The following ACER3 variants were observed in gnomAD, a reference collection of about 807,000 sequenced individuals.
ACER3 encodes alkCDase 3.
Under a neutral mutation model 48.9 loss-of-function variants are expected in ACER3, and 16 were observed. The observed-to-expected ratio is 0.33, with a 90% CI of 0.22 to 0.50. The LOEUF (loss-of-function observed/expected upper bound fraction) is 0.50. Among genes scored for constraint, ACER3 ranks in the 20% least tolerant of loss-of-function variants. The probability of loss-of-function intolerance (pLI) is 0.98; values close to 1 mark genes in which losing one functional copy is unlikely to be tolerated. For synonymous variants in ACER3, 109 were observed against 107.8 expected (o/e 1.01, Z -0.07); for missense variants, 227 against 326.0 (o/e 0.70, Z 2.34).
At chr11:76,891,877 CACTT>C (rs1945814360) in intron 1 of ACER3, among the ~76,000 whole-genome samples, 1 of 152,226 alleles carries the variant, frequency 6.6e-6, no homozygotes, top group Non-Finnish European at 1.5e-5. Flanking sequence ...GTTTTGTTCA[CACTT>C]ACAAGTTATA....
chr11:76,940,592 A>G (rs1344657511), intron 2 of ACER3, among the ~76,000 whole-genome samples: 1 of 152,200 alleles, frequency 6.6e-6, no homozygotes, highest in Non-Finnish European at 1.5e-5. Flanking sequence ...CTAGGAACAG[A>G]AGTGGGTAGC....
intron 7 of ACER3, among the ~76,000 whole-genome samples, chr11:77,008,179 G>A (rs1591063514): frequency 6.6e-6 from 1 of 152,104 alleles, no homozygotes. Context: ...GTCTTCTTAT[G>A]TTTGTCTTAT....
Position 77,020,551 on chromosome 11 carries a change from A to T in ACER3, c.*224A>T. 2.0e-6 allele frequency: 1 copy of T among 512,568 alleles called. No individual in the cohort carries two copies. Among genetic ancestry groups the T allele is most frequent in the Non-Finnish European group, 3.5e-6 (1 of 285,386 alleles). 31.8% of individuals were successfully genotyped at this position (512,568 alleles called of 1,614,324 possible). A position where few individuals can be genotyped will look rare whatever the true frequency, so the allele number is the denominator to read the frequency against. The stretch of plus-strand genomic sequence containing the variant: ...TGTCCCCCTCCTCCTTTCACGCTCC[A>T]GTTTATAAAGAAACAGAGATGATGT... On this transcript the variant is annotated 3_prime_UTR_variant, in exon 11 of 11. Coordinates refer to ENST00000532485, the MANE Select transcript of ACER3 (RefSeq NM_018367.7).
intron 7 of ACER3, among the ~76,000 whole-genome samples, chr11:77,013,612 C>T (rs543178172): frequency 3.2e-4 from 49 of 152,276 alleles, no homozygotes; most frequent in Admixed American, 3.0e-3. Context: ...ATCTGGAACA[C>T]TTATACATGC....
intron 1 of ACER3, among the ~76,000 whole-genome samples, chr11:76,915,570 T>A (rs1946505331): frequency 1.3e-5 from 2 of 152,186 alleles, no homozygotes; most frequent in South Asian, 4.1e-4. Context: ...CACCCGACAT[T>A]TCTAGTGGGT....
intron 1 of ACER3, among the ~76,000 whole-genome samples, chr11:76,879,768 G>A (rs1296109239): frequency 6.6e-6 from 1 of 152,030 alleles, no homozygotes; most frequent in Non-Finnish European, 1.5e-5. Flanking sequence ...ACTTGAACAT[G>A]GTATATTATC....
chr11:76,935,290 T>TA (rs1407643123), intron 2 of ACER3, among the ~76,000 whole-genome samples: 1 of 152,042 alleles, frequency 6.6e-6, no homozygotes, highest in African/African-American at 2.4e-5. Context: ...AGTCCCTAGG[T>TA]GGCATGGGGG....
intron 2 of ACER3, among the ~76,000 whole-genome samples, chr11:76,955,041 T>A (rs1289194310): frequency 6.6e-6 from 1 of 152,200 alleles, no homozygotes; most frequent in African/African-American, 2.4e-5. Flanking sequence ...GGTGTCCTCG[T>A]TAAGGAAATA....
intron 7 of ACER3, among the ~76,000 whole-genome samples, chr11:77,005,988 TATA>T (rs1225083148): frequency 1.4e-3 from 127 of 89,862 alleles, no homozygotes; most frequent in African/African-American, 5.5e-3. Context: ...TATATATATA[TATA>T]TTTTTTTTTT....
At chr11:76,898,963 G>A (rs968304399) in intron 1 of ACER3, among the ~76,000 whole-genome samples, 24 of 148,338 alleles carry the variant, frequency 1.6e-4, no homozygotes, top group African/African-American at 6.1e-4. Flanking sequence ...ACCACCAGAG[G>A]AAGTTTTATA....
intron 1 of ACER3, 49 bp from the exon 2 acceptor site, chr11:76,926,508 A>T: frequency 9.1e-7 from 1 of 1,098,300 alleles, no homozygotes; most frequent in Non-Finnish European, 1.4e-6. Flanking sequence ...ATCTTTATTT[A>T]AAGTGTTATT....
chr11:76,960,096 A>C (rs546605275), intron 3 of ACER3, among the ~76,000 whole-genome samples: 1 of 152,286 alleles, frequency 6.6e-6, no homozygotes, highest in South Asian at 2.1e-4. Flanking sequence ...AAAAGTACAC[A>C]GAAATGGGTG....
At chr11:76,889,152 A>G (rs1945746388) in intron 1 of ACER3, among the ~76,000 whole-genome samples, 1 of 152,030 alleles carries the variant, frequency 6.6e-6, no homozygotes, top group South Asian at 2.1e-4. Flanking sequence ...CTCATCTCTC[A>G]TTCCTGTGTG....
chr11:76,929,627 A>AT (rs1353233637), intron 2 of ACER3, among the ~76,000 whole-genome samples: 1 of 152,148 alleles, frequency 6.6e-6, no homozygotes, highest in East Asian at 1.9e-4. Flanking sequence ...TTATTTTGAG[A>AT]TATGTCCCAT....
chr11:76,939,553 G>A (rs1460934169), intron 2 of ACER3, among the ~76,000 whole-genome samples: 1 of 152,146 alleles, frequency 6.6e-6, no homozygotes, highest in Non-Finnish European at 1.5e-5. Context: ...CCAGGATTGT[G>A]CTGCTGCACT....
In ACER3 at chr11:76,998,774, A is replaced by C. The variant is rs1555019153; in HGVS notation, c.450A>C (p.Gly150=). Residue 150 remains glycine, a synonymous_variant, in exon 7 of 11, where the codon GGA becomes GGC. Transcript: ENST00000532485. ...KEPIFHQVMY[G]MLVFTLVLRS... is the part of the protein sequence containing the mutation. Reference sequence around the variant, plus strand: ...CCGTTCCTATTTAGGTCATGTATGGAATGTTGGTCTTTACATTAGTACTTC... The same window carrying C: ...CCGTTCCTATTTAGGTCATGTATGGCATGTTGGTCTTTACATTAGTACTTC... 1.9e-6 allele frequency: 3 copies of C among 1,596,284 alleles called. No homozygotes were observed. Among genetic ancestry groups the C allele is most frequent in the Admixed American group, 1.8e-5 (1 of 56,398 alleles).
At chr11:76,936,671 G>A (rs1947194046) in intron 2 of ACER3, among the ~76,000 whole-genome samples, 1 of 150,802 alleles carries the variant, frequency 6.6e-6, no homozygotes, top group African/African-American at 2.4e-5. Context: ...ATATTCACAA[G>A]AAAAGGTTTA....
At chr11:76,915,795 C>T (rs986555894) in intron 1 of ACER3, among the ~76,000 whole-genome samples, 2 of 152,202 alleles carry the variant, frequency 1.3e-5, no homozygotes, top group Non-Finnish European at 2.9e-5. Flanking sequence ...TTTCACATGG[C>T]AGCAGGAGAG....
chr11:76,871,022 A>G (rs1271729257), intron 1 of ACER3, among the ~76,000 whole-genome samples: 2 of 152,188 alleles, frequency 1.3e-5, no homozygotes, highest in South Asian at 4.1e-4. Context: ...TAGGTTCTGT[A>G]GTCCTGTTTT....
Sources: gnomAD v4.1 joint callset for allele counts (sites outside exome capture counted in the v4.1 genomes callset) on GRCh38, gnomAD v4.1.1 for gene constraint, MANE v1.5 for transcripts, NCBI Gene and HGNC (gene_info 2026-07-23, HGNC 2026-07-21) for gene names.